Variants in TANGO6 observed in about 807,000 individuals in gnomAD.
The protein encoded by TANGO6 is transport and Golgi organization protein 6 homolog.
In TANGO6, 90 loss-of-function variants were observed where a neutral mutation model predicts 114.2. The ratio of observed to expected loss-of-function variants is 0.79; its 90% CI spans 0.66 to 0.94. The LOEUF (loss-of-function observed/expected upper bound fraction) is 0.94. Among genes scored for constraint, TANGO6 ranks in the 40% least tolerant of loss-of-function variants. The pLI, the probability that TANGO6 is intolerant of heterozygous loss-of-function variation, is 0.00. For synonymous variants in TANGO6, 477 were observed against 509.8 expected (o/e 0.94, Z 0.87); for missense variants, 1,274 against 1,315.3 (o/e 0.97, Z 0.49).
intron 17 of TANGO6, among the ~76,000 whole-genome samples, chr16:69,040,781 G>T (rs978993611): frequency 2.0e-5 from 3 of 152,068 alleles, no homozygotes; most frequent in East Asian, 1.9e-4. Context: ...TCATTTGATT[G>T]TTCATGCTGA....
chr16:68,889,532 G>A (rs1962583069), intron 7 of TANGO6, among the ~76,000 whole-genome samples: 1 of 152,120 alleles, frequency 6.6e-6, no homozygotes, highest in East Asian at 1.9e-4. Context: ...TGAAAAGTTA[G>A]TCTCTTTCTA....
intron 15 of TANGO6, among the ~76,000 whole-genome samples, chr16:68,979,082 G>A (rs1025802416): frequency 6.6e-6 from 1 of 151,652 alleles, no homozygotes; most frequent in Admixed American, 6.6e-5. Flanking sequence ...ACCATACCTG[G>A]CTATTTATTA....
chr16:68,957,090 A>G (rs1048742851), intron 14 of TANGO6, among the ~76,000 whole-genome samples: 56 of 152,010 alleles, frequency 3.7e-4, no homozygotes, highest in African/African-American at 1.3e-3. Flanking sequence ...GTCATTTTTT[A>G]TTTTTACTTT....
At chr16:68,877,467 CAA>C (rs35716789) in intron 5 of TANGO6, among the ~76,000 whole-genome samples, 53 of 85,732 alleles carry the variant, frequency 6.2e-4, no homozygotes, top group East Asian at 1.3e-3. Context: ...GACTCCATCT[CAA>C]AAAAAAAAAA....
chr16:68,877,482 AAG>A (rs1962383605), intron 5 of TANGO6, among the ~76,000 whole-genome samples: 1 of 151,644 alleles, frequency 6.6e-6, no homozygotes, highest in Admixed American at 6.6e-5. Flanking sequence ...AAAAAAAAAA[AAG>A]GAAAAAGAAA....
intron 14 of TANGO6, among the ~76,000 whole-genome samples, chr16:68,940,437 T>C (rs1259771437): frequency 1.3e-5 from 2 of 152,078 alleles, no homozygotes; most frequent in Non-Finnish European, 2.9e-5. Context: ...TCTTATCAAA[T>C]GAAAAGAGGA....
chr16:68,864,390 A>G (rs1388062847), intron 3 of TANGO6, among the ~76,000 whole-genome samples: 1 of 152,026 alleles, frequency 6.6e-6, no homozygotes, highest in Non-Finnish European at 1.5e-5. Flanking sequence ...CGTGGGCAAC[A>G]TAGCAAGACC....
At chr16:68,950,795 G>A (rs1244454112) in intron 14 of TANGO6, among the ~76,000 whole-genome samples, 2 of 152,032 alleles carry the variant, frequency 1.3e-5, no homozygotes, top group Admixed American at 6.6e-5. Flanking sequence ...GGAGGCGGAG[G>A]TTGCAGTGAG....
At chr16:68,920,488 T>G (rs1206017617) in intron 12 of TANGO6, among the ~76,000 whole-genome samples, 3 of 151,844 alleles carry the variant, frequency 2.0e-5, no homozygotes, top group Non-Finnish European at 4.4e-5. Flanking sequence ...ACCATGCATG[T>G]GTGTGTGACT....
chr16:68,885,342 A>G (rs950544991), intron 7 of TANGO6, among the ~76,000 whole-genome samples: 1 of 152,168 alleles, frequency 6.6e-6, no homozygotes, highest in African/African-American at 2.4e-5. Flanking sequence ...TGTACAGCTC[A>G]GTGTTTTTTA....
intron 15 of TANGO6, among the ~76,000 whole-genome samples, chr16:68,996,059 C>T (rs1040660641): frequency 3.9e-5 from 6 of 152,066 alleles, no homozygotes; most frequent in African/African-American, 1.4e-4. Context: ...ACTGTAGCTG[C>T]GTACATTATA....
At chr16:68,956,942 G>C (rs143161378) in intron 14 of TANGO6, among the ~76,000 whole-genome samples, 1 of 152,228 alleles carries the variant, frequency 6.6e-6, no homozygotes, top group African/African-American at 2.4e-5. Flanking sequence ...GCTTTATTGG[G>C]ATTCAGGAAA....
chr16:69,075,152 A>T (rs1960355145), intron 17 of TANGO6, among the ~76,000 whole-genome samples: 1 of 146,812 alleles, frequency 6.8e-6, no homozygotes, highest in Admixed American at 6.8e-5. Context: ...CTGAAATATA[A>T]TTTTTTTCCT....
chr16:69,059,973 C>T (rs1960090108), intron 17 of TANGO6, among the ~76,000 whole-genome samples: 1 of 152,148 alleles, frequency 6.6e-6, no homozygotes, highest in Non-Finnish European at 1.5e-5. Flanking sequence ...CCCATGCTTG[C>T]CTTCTTATGC....
intron 16 of TANGO6, among the ~76,000 whole-genome samples, chr16:69,025,372 T>A (rs1267453288): frequency 2.6e-5 from 4 of 152,142 alleles, no homozygotes; most frequent in African/African-American, 9.7e-5. Context: ...CAAACTCAGG[T>A]TGTCTCTTCC....
chr16:68,920,619 C>A (rs576713256), intron 12 of TANGO6, among the ~76,000 whole-genome samples: 3 of 152,156 alleles, frequency 2.0e-5, no homozygotes, highest in Middle Eastern at 3.4e-3. Flanking sequence ...GAGTAGGATA[C>A]CCTCTGGGAA....
intron 7 of TANGO6, among the ~76,000 whole-genome samples, chr16:68,899,433 C>T (rs1452629538): frequency 6.6e-6 from 1 of 151,908 alleles, no homozygotes; most frequent in African/African-American, 2.4e-5. Context: ...TGCGTTTGTG[C>T]TAGCCTTATT....
intron 9 of TANGO6, among the ~76,000 whole-genome samples, chr16:68,905,019 T>C (rs970178204): frequency 7.2e-5 from 11 of 152,030 alleles, no homozygotes; most frequent in African/African-American, 2.7e-4. Context: ...GGTCAAGAGT[T>C]TGAGACCAGC....
intron 14 of TANGO6, among the ~76,000 whole-genome samples, chr16:68,953,047 TTTTTTATTA>T (rs1271927326): frequency 9.2e-5 from 8 of 87,154 alleles, no homozygotes; most frequent in African/African-American, 2.4e-4. Flanking sequence ...TCAACAGGTA[TTTTTTATTA>T]TTATTATTAT....
Sources: allele counts gnomAD v4.1 joint callset (sites outside exome capture counted in the v4.1 genomes callset), GRCh38; gene constraint gnomAD v4.1.1; transcripts MANE v1.5; gene names NCBI Gene and HGNC (gene_info 2026-07-23, HGNC 2026-07-21).